OSBP2: variants seen among roughly 807,000 people sequenced by gnomAD.
The protein encoded by OSBP2 is oxysterol binding protein 2.
A neutral mutation model predicts 96.0 loss-of-function variants in OSBP2; 66 were observed. The ratio of observed to expected loss-of-function variants is 0.69; its 90% confidence interval spans 0.56 to 0.84. The LOEUF (loss-of-function observed/expected upper bound fraction) is 0.84. OSBP2 is among the 40% of genes least tolerant of loss of function. The pLI is 0.00. For synonymous variants in OSBP2, 525 were observed against 520.9 expected, an observed-to-expected ratio of 1.01 and a Z score of -0.11; for missense variants, 1,038 against 1,222.7, an observed-to-expected ratio of 0.85 and a Z score of 2.25.
intron 2 of OSBP2, among the ~76,000 whole-genome samples, chr22:30,794,251 C>T (rs1393928846): frequency 2.0e-5 from 3 of 148,328 alleles, no homozygotes; most frequent in Admixed American, 6.8e-5. Context: ...TTATTCTCTC[C>T]TCCTCTATTC....
intron 1 of OSBP2, among the ~76,000 whole-genome samples, chr22:30,730,473 A>G (rs2089731152): frequency 6.6e-6 from 1 of 152,038 alleles, no homozygotes; most frequent in South Asian, 2.1e-4. Context: ...TTGAGGCCAG[A>G]AAGATGTGTC....
intron 2 of OSBP2, among the ~76,000 whole-genome samples, chr22:30,760,929 T>A (rs1316348424): frequency 6.6e-6 from 1 of 152,186 alleles, no homozygotes; most frequent in Non-Finnish European, 1.5e-5. Flanking sequence ...TGACAAAATT[T>A]AACATTATTC....
intron 8 of OSBP2, among the ~76,000 whole-genome samples, chr22:30,892,681 G>A (rs1569170140): frequency 6.6e-6 from 1 of 152,142 alleles, no homozygotes; most frequent in South Asian, 2.1e-4. Context: ...GGCAGGGCCC[G>A]ACTGCCCCTT....
intron 2 of OSBP2, among the ~76,000 whole-genome samples, chr22:30,765,017 G>T (rs1321626167): frequency 1.3e-5 from 2 of 151,708 alleles, no homozygotes; most frequent in African/African-American, 4.8e-5. Flanking sequence ...TGGTCATATG[G>T]CACCTAGGGA....
At position 30,755,533 on chromosome 22, in the gene OSBP2, C is replaced by T. The variant is rs554169795; in HGVS notation, c.853+14164C>T. Among the ~76,000 whole-genome samples, 8 of 152,272 alleles carry T rather than the reference C, an allele frequency of 5.3e-5. No homozygotes were observed. In the South Asian group the frequency reaches 1.2e-3, roughly 24 times the overall value. On this transcript the variant is annotated intron_variant, in intron 2 of 13. Coordinates refer to ENST00000332585, the MANE Select transcript of OSBP2 (RefSeq NM_030758.4). The stretch of plus-strand genomic sequence containing the variant: ...TGTGATTGGTTGTTTAAGCAGCTTC[C>T]GAAGTGTAGGCCTCTTTTGACTTCG...
chr22:30,700,695 C>T (rs1207542909), intron 1 of OSBP2, among the ~76,000 whole-genome samples: 1 of 151,832 alleles, frequency 6.6e-6, no homozygotes, highest in East Asian at 1.9e-4. Context: ...ATACTGATCT[C>T]TGCTTAGTAA....
intron 3 of OSBP2, among the ~76,000 whole-genome samples, chr22:30,880,363 C>T (rs1218259233): frequency 3.3e-5 from 5 of 152,210 alleles, no homozygotes; most frequent in Non-Finnish European, 7.3e-5. Context: ...AGGTCCTGGA[C>T]CAGCCGCAGA....
chr22:30,712,445 G>A (rs1335969504), intron 1 of OSBP2, among the ~76,000 whole-genome samples: 1 of 152,194 alleles, frequency 6.6e-6, no homozygotes, highest in African/African-American at 2.4e-5. Context: ...AAGTAAGGAT[G>A]TGGATGGCCA....
chr22:30,876,933 A>G (rs2039595380), intron 3 of OSBP2, among the ~76,000 whole-genome samples: 1 of 152,162 alleles, frequency 6.6e-6, no homozygotes, highest in African/African-American at 2.4e-5. Flanking sequence ...TCAGGAGGTC[A>G]GGAACACCTC....
chr22:30,889,679 C>A (rs1466174878), intron 7 of OSBP2, 43 bp downstream of exon 7: 14 of 1,603,814 alleles, frequency 8.7e-6, no homozygotes, highest in Admixed American at 1.7e-5. Context: ...TCCTCTGGGG[C>A]TGCTTTCCTG....
intron 2 of OSBP2, among the ~76,000 whole-genome samples, chr22:30,841,241 C>A (rs772669446): frequency 1.3e-5 from 2 of 152,070 alleles, no homozygotes; most frequent in Non-Finnish European, 2.9e-5. Flanking sequence ...CAAGGCTAGG[C>A]AAACCATCGT....
At chr22:30,828,037 A>AG (rs1444141069) in intron 2 of OSBP2, among the ~76,000 whole-genome samples, 1 of 152,042 alleles carries the variant, frequency 6.6e-6, no homozygotes, top group African/African-American at 2.4e-5. Context: ...TGAACTCTTG[A>AG]GGGGCCTGGC....
chr22:30,881,647 C>T lies in OSBP2; in HGVS notation c.1108-5779C>T. On this transcript the variant is annotated intron_variant, in intron 3 of 13. Coordinates refer to ENST00000332585, the MANE Select transcript of OSBP2 (RefSeq NM_030758.4). The surrounding 1 kb of genome is among the most constrained non-coding windows in gnomAD (Gnocchi z 4.5). The stretch of plus-strand genomic sequence containing the variant: ...CCTCTGCCGGGCCCCAAGCCTAATC[C>T]AGCTTATCAAGCACACAGCACACAG... The T allele has an allele frequency of 3.1e-6, 4 of 1,301,142 alleles. No homozygotes were observed. Among genetic ancestry groups the T allele is most frequent in the South Asian group, 1.2e-5 (1 of 80,954 alleles). 80.6% of individuals were successfully genotyped at this position (1,301,142 alleles called of 1,614,324 possible).
At chr22:30,728,546 G>C (rs1302033598) in intron 1 of OSBP2, among the ~76,000 whole-genome samples, 1 of 152,022 alleles carries the variant, frequency 6.6e-6, no homozygotes, top group Non-Finnish European at 1.5e-5. Context: ...ACCTAGGCTA[G>C]AGTACAGTGG....
Position 30,732,166 on chromosome 22 carries a change from TGGTGACG to T in OSBP2, c.645-8990_645-8984del, listed in dbSNP as rs1602187581. Reference sequence around the variant, plus strand: ...TAAAAATACAAAAATTAGCTGGGCGTGGTGACGGGTGCCTATAGTCCCAGCTACTCGG... The same window carrying T: ...TAAAAATACAAAAATTAGCTGGGCGTGGTGCCTATAGTCCCAGCTACTCGG... On this transcript the variant is annotated intron_variant, in intron 1 of 13. Coordinates refer to ENST00000332585, the MANE Select transcript of OSBP2 (RefSeq NM_030758.4). 3.3e-5 allele frequency among the ~76,000 whole-genome samples: 5 copies of T among 151,956 alleles called. No homozygotes were observed. The East Asian group carries it at 9.6e-4, about 29-fold the overall frequency.
rs114976334 is a variant in OSBP2 at position 30,838,691 on chromosome 22, C to T, written c.854-31738C>T. Among the ~76,000 whole-genome samples the T allele has an allele frequency of 2.6e-3, 394 of 151,870 alleles. 3 individuals are homozygous for T. Among genetic ancestry groups the T allele is most frequent in the African/African-American group, 9.4e-3 (388 of 41,428 alleles). On this transcript the variant is annotated intron_variant, in intron 2 of 13. Coordinates refer to ENST00000332585, the MANE Select transcript of OSBP2 (RefSeq NM_030758.4). ...ATGACGAAGAGATGTTTAATTTTGC[C>T]CAGTGCTTTTTTTTTCTGTGCCTAT... is the stretch of plus-strand genomic sequence containing the variant.
At chr22:30,808,768 C>T (rs2090967516) in intron 2 of OSBP2, among the ~76,000 whole-genome samples, 1 of 151,990 alleles carries the variant, frequency 6.6e-6, no homozygotes, top group East Asian at 1.9e-4. Context: ...TCCTGGCTAA[C>T]ATGGTGAAAC....
chr22:30,879,625 G>A (rs1412823888), intron 3 of OSBP2, among the ~76,000 whole-genome samples: 2 of 152,186 alleles, frequency 1.3e-5, no homozygotes, highest in African/African-American at 4.8e-5. Flanking sequence ...AGGGATCCCC[G>A]GGGGAGCCCA....
At chr22:30,715,571 G>A (rs1187335545) in intron 1 of OSBP2, among the ~76,000 whole-genome samples, 1 of 147,546 alleles carries the variant, frequency 6.8e-6, no homozygotes, top group African/African-American at 2.5e-5. Context: ...TTTTTTTTGA[G>A]GTGGAGTTTC....
Sources: allele counts gnomAD v4.1 joint callset (sites outside exome capture counted in the v4.1 genomes callset), GRCh38; gene constraint gnomAD v4.1.1; non-coding constraint Gnocchi (gnomAD v3.1); transcripts MANE v1.5; gene names NCBI Gene and HGNC (gene_info 2026-07-23, HGNC 2026-07-21).